Variants in AKAP19 observed in about 807,000 individuals in gnomAD.
AKAP19 encodes small A-kinase anchoring protein.
chr2:189,957,818 A>T, the AKAP19 span, among the ~76,000 whole-genome samples: 1 of 152,200 alleles, frequency 6.6e-6, no homozygotes, highest in East Asian at 1.9e-4. Context: ...AAAATATATT[A>T]CATCTCACTC....
the AKAP19 span, among the ~76,000 whole-genome samples, chr2:190,009,218 A>G: frequency 6.6e-6 from 1 of 152,174 alleles, no homozygotes; most frequent in Non-Finnish European, 1.5e-5. Context: ...TATTATGACT[A>G]AAGTGGATGG....
chr2:190,149,245 G>C, the AKAP19 span, among the ~76,000 whole-genome samples: 11 of 152,168 alleles, frequency 7.2e-5, no homozygotes, highest in Non-Finnish European at 1.2e-4. Context: ...TTACAGGCAA[G>C]AGCCACTACG....
chr2:190,197,459 A>G, the AKAP19 span, among the ~76,000 whole-genome samples: 6 of 152,310 alleles, frequency 3.9e-5, no homozygotes, highest in East Asian at 1.2e-3. This position sits in a 1 kb window ranked among gnomAD's most constrained non-coding sequence, Gnocchi z 4.0. Flanking sequence ...TGCACATCCC[A>G]GTACCCTTGC....
the AKAP19 span, chr2:190,137,719 A>T: frequency 1.3e-5 from 1 of 74,482 alleles, no homozygotes; most frequent in Admixed American, 1.6e-4. Context: ...TTTGTGAGCA[A>T]ATGTGGTGCT....
chr2:189,908,754 AAACTTTTGTTGTGGCCT>A, the AKAP19 span, among the ~76,000 whole-genome samples: 36 of 152,170 alleles, frequency 2.4e-4, no homozygotes, highest in Non-Finnish European at 4.4e-4. Context: ...CAATTTGATA[AAACTTTTGTTGTGGCCT>A]AACATATGCT....
the AKAP19 span, among the ~76,000 whole-genome samples, chr2:189,985,196 A>G: frequency 4.6e-5 from 7 of 152,018 alleles, no homozygotes; most frequent in African/African-American, 1.4e-4. Flanking sequence ...CTGCATCCCA[A>G]CTTCTTACTG....
At chr2:190,070,606 CCT>C in the AKAP19 span, among the ~76,000 whole-genome samples, 3 of 143,272 alleles carry the variant, frequency 2.1e-5, no homozygotes, top group Non-Finnish European at 3.0e-5. Flanking sequence ...ATATATTTTC[CCT>C]CTCTCTCCCC....
the AKAP19 span, among the ~76,000 whole-genome samples, chr2:190,076,882 G>A: frequency 1.3e-5 from 2 of 152,070 alleles, no homozygotes; most frequent in Non-Finnish European, 2.9e-5. Flanking sequence ...ATCATTTTCT[G>A]GGACTGTAAT....
At chr2:190,073,467 G>C in the AKAP19 span, among the ~76,000 whole-genome samples, 1 of 152,114 alleles carries the variant, frequency 6.6e-6, no homozygotes, top group Non-Finnish European at 1.5e-5. Context: ...TATATACCAG[G>C]TCTCCTTTTG....
At chr2:190,182,970 G>T in the AKAP19 span, among the ~76,000 whole-genome samples, 1 of 152,214 alleles carries the variant, frequency 6.6e-6, no homozygotes, top group African/African-American at 2.4e-5. Flanking sequence ...CATTCATCAT[G>T]TTAATTCTAC....
chr2:190,087,064 C>T, the AKAP19 span, among the ~76,000 whole-genome samples: 360 of 152,276 alleles, frequency 2.4e-3, 3 homozygotes, highest in Non-Finnish European at 4.2e-3. Flanking sequence ...AATGGAACCA[C>T]CAATACTTTT....
the AKAP19 span, among the ~76,000 whole-genome samples, chr2:190,146,735 C>A: frequency 3.7e-4 from 57 of 152,178 alleles, no homozygotes; most frequent in Admixed American, 3.7e-3. Flanking sequence ...TTTTGATTTG[C>A]ATTTCCCTGA....
At chr2:190,107,794 G>A in the AKAP19 span, among the ~76,000 whole-genome samples, 2 of 152,128 alleles carry the variant, frequency 1.3e-5, no homozygotes, top group African/African-American at 4.8e-5. Context: ...AGAACAGATC[G>A]AATAATATAA....
the AKAP19 span, chr2:189,930,431 C>A: frequency 4.2e-6 from 1 of 239,922 alleles, no homozygotes; most frequent in Non-Finnish European, 8.3e-6. Flanking sequence ...GTAATCCCAG[C>A]ACTTTGGGAG....
the AKAP19 span, among the ~76,000 whole-genome samples, chr2:189,889,761 G>A: frequency 3.3e-5 from 5 of 152,182 alleles, no homozygotes; most frequent in Admixed American, 1.3e-4. Flanking sequence ...GTTTCTGTGG[G>A]ATCAGTGGTG....
the AKAP19 span, among the ~76,000 whole-genome samples, chr2:189,992,036 C>T: frequency 1.4e-5 from 2 of 142,394 alleles, no homozygotes; most frequent in Non-Finnish European, 3.0e-5. Context: ...TTTTTATACT[C>T]ACCTATTAAA....
At chr2:190,093,480 G>A in the AKAP19 span, among the ~76,000 whole-genome samples, 1 of 152,092 alleles carries the variant, frequency 6.6e-6, no homozygotes, top group East Asian at 1.9e-4. Context: ...AAATAGTAAT[G>A]TATAGGGCAA....
the AKAP19 span, among the ~76,000 whole-genome samples, chr2:190,195,436 A>G: frequency 6.6e-6 from 1 of 152,198 alleles, no homozygotes; most frequent in Admixed American, 6.5e-5. Context: ...TTGCATTCTC[A>G]CCAACAGTGA....
chr2:189,882,350 G>A, the AKAP19 span, among the ~76,000 whole-genome samples: 1 of 152,164 alleles, frequency 6.6e-6, no homozygotes, highest in South Asian at 2.1e-4. Flanking sequence ...ATACACTTGT[G>A]ACACAGCCTC....
Sources: gnomAD v4.1 joint callset for allele counts (sites outside exome capture counted in the v4.1 genomes callset) on GRCh38, gnomAD v4.1.1 for gene constraint, Gnocchi (gnomAD v3.1) non-coding constraint, MANE v1.5 for transcripts, NCBI Gene and HGNC (gene_info 2026-07-23, HGNC 2026-07-21) for gene names.